CLEC16A: variants seen among roughly 807,000 people sequenced by gnomAD.
The protein encoded by CLEC16A is C-type lectin domain containing 16A.
Under a neutral mutation model 109.5 loss-of-function variants are expected in CLEC16A, and 51 were observed. That is an observed-to-expected ratio of 0.47 (90% CI 0.37 to 0.59). The LOEUF is 0.59. Ranked by LOEUF, CLEC16A falls within the 20% of genes least tolerant of loss-of-function variation. The pLI, the probability that CLEC16A is intolerant of heterozygous loss-of-function variation, is 0.00. For synonymous variants in CLEC16A, 673 were observed against 564.2 expected, an observed-to-expected ratio of 1.19 and a Z score of -2.73; for missense variants, 1,339 against 1,394.0, an observed-to-expected ratio of 0.96 and a Z score of 0.63.
intron 19 of CLEC16A, among the ~76,000 whole-genome samples, chr16:11,077,848 G>T (rs1175240693): frequency 6.6e-6 from 1 of 152,110 alleles, no homozygotes; most frequent in Non-Finnish European, 1.5e-5. Flanking sequence ...GCTAGGCGCG[G>T]TGGCTCATGC....
chr16:10,989,937 T>G (rs2043902473), intron 10 of CLEC16A, among the ~76,000 whole-genome samples: 1 of 152,204 alleles, frequency 6.6e-6, no homozygotes, highest in South Asian at 2.1e-4. Context: ...GCTGAATGCA[T>G]CAGGCAGGAT....
intron 21 of CLEC16A, 50 bp downstream of exon 21, chr16:11,123,996 G>T (rs753463840): frequency 6.5e-7 from 1 of 1,530,788 alleles, no homozygotes; most frequent in African/African-American, 1.4e-5. Context: ...TGGTGGGTCA[G>T]GGCTGTTTGT....
intron 13 of CLEC16A, among the ~76,000 whole-genome samples, chr16:11,029,223 A>G (rs1357678685): frequency 6.6e-6 from 1 of 151,392 alleles, no homozygotes; most frequent in Non-Finnish European, 1.5e-5. Flanking sequence ...CCCTTCTGAG[A>G]CTCTACTGTG....
chr16:11,087,497 A>G (rs1168841512), intron 19 of CLEC16A, among the ~76,000 whole-genome samples: 1 of 152,234 alleles, frequency 6.6e-6, no homozygotes, highest in Non-Finnish European at 1.5e-5. Context: ...TATGCTACCT[A>G]TAGATATTAA....
chr16:10,979,338 C>A lies in CLEC16A; in HGVS notation c.913C>A (p.Arg305=), dbSNP rs74163607. ...SLENQDKGGE[R]PKISLPVSLY... is the part of the protein sequence containing the mutation. ...TGCCACCCTGCACTAGGGAGGAGAA[C>A]GGCCGAAAATTAGCCTGCCGGTGTC... Residue 305 remains arginine (R), a synonymous_variant, in exon 9 of 24, where the codon CGG becomes AGG. Coordinates refer to ENST00000409790, the MANE Select transcript of CLEC16A (RefSeq NM_015226.3). 1.2e-6 allele frequency: 2 copies of A among 1,612,240 alleles called. No individual in the cohort carries two copies. Among genetic ancestry groups the A allele is most frequent in the African/African-American group, 1.3e-5 (1 of 74,854 alleles).
Position 11,175,415 on chromosome 16 carries a change from C to T in CLEC16A, c.2807-2920C>T, listed in dbSNP as rs576570628. Among the ~76,000 whole-genome samples the T allele has an allele frequency of 4.3e-4, 65 of 152,284 alleles. 1 individual carries two copies. The South Asian group carries it at 5.4e-3, about 13-fold the overall frequency. ...CCTGAGCCTGGCCTCAACTTGTGGC[C>T]CTAGAGTTCAAAAACACCAGCAGGC... On this transcript the variant is annotated intron_variant, in intron 23 of 23. Coordinates refer to ENST00000409790, the MANE Select transcript of CLEC16A (RefSeq NM_015226.3).
At position 11,178,151 on chromosome 16, in the gene CLEC16A, A is replaced by C. The variant is rs1028437670; in HGVS notation, c.2807-184A>C. Among the ~76,000 whole-genome samples the C allele has an allele frequency of 2.6e-5, 4 of 152,198 alleles. No individual in the cohort carries two copies. The highest frequency in any genetic ancestry group is 5.9e-5 in the Non-Finnish European group (4 of 68,028). On this transcript the variant is annotated intron_variant, in intron 23 of 23. Transcript: ENST00000409790. The surrounding 1 kb of genome is among the most constrained non-coding windows in gnomAD (Gnocchi z 6.5). ...GCTGTATTTTCCCCAGGCCTAAGTCAGACTGGATTTTGCAGGTTCTGTGTC... is the reference window on the plus strand; with the variant it reads ...GCTGTATTTTCCCCAGGCCTAAGTCCGACTGGATTTTGCAGGTTCTGTGTC...
chr16:11,143,172 AC>A (rs1298471601), intron 22 of CLEC16A, among the ~76,000 whole-genome samples: 1 of 152,152 alleles, frequency 6.6e-6, no homozygotes, highest in Admixed American at 6.5e-5. Flanking sequence ...GGGGTTGGTG[AC>A]CTGGTGAGCT....
intron 2 of CLEC16A, 77 bp from the exon 3 acceptor site, chr16:10,962,378 T>C (rs1366603236): frequency 1.3e-6 from 2 of 1,575,396 alleles, no homozygotes; most frequent in Non-Finnish European, 1.7e-6. Context: ...ATACTTGTGT[T>C]GTGAATGAAA....
intron 3 of CLEC16A, among the ~76,000 whole-genome samples, chr16:10,964,619 A>C (rs913996177): frequency 6.6e-6 from 1 of 152,164 alleles, no homozygotes; most frequent in African/African-American, 2.4e-5. Flanking sequence ...CATCACCCTC[A>C]GTGTCCCTGC....
At chr16:11,018,498 C>A (rs2045899246) in intron 11 of CLEC16A, among the ~76,000 whole-genome samples, 1 of 151,796 alleles carries the variant, frequency 6.6e-6, no homozygotes, top group Non-Finnish European at 1.5e-5. Flanking sequence ...GCCTGTAATC[C>A]CAGCACTTTG....
At chr16:11,156,415 G>T (rs1340001924) in intron 22 of CLEC16A, among the ~76,000 whole-genome samples, 1 of 150,406 alleles carries the variant, frequency 6.6e-6, no homozygotes, top group African/African-American at 2.4e-5. Flanking sequence ...TCCTTGGCCA[G>T]CCAGAACCTT....
At chr16:11,050,240 T>G (rs1555469654) in intron 17 of CLEC16A, among the ~76,000 whole-genome samples, 1 of 152,116 alleles carries the variant, frequency 6.6e-6, no homozygotes, top group Non-Finnish European at 1.5e-5. Flanking sequence ...ACAACATTAC[T>G]CCATTCATGA....
At chr16:10,977,157 C>G in intron 7 of CLEC16A, 68 bp from the exon 8 acceptor site, 2 of 1,429,598 alleles carry the variant, frequency 1.4e-6, no homozygotes, top group East Asian at 4.5e-5. Flanking sequence ...AAGTCTCAGG[C>G]CATTGATGTT....
intron 13 of CLEC16A, among the ~76,000 whole-genome samples, chr16:11,032,926 A>G (rs2046827108): frequency 6.6e-6 from 1 of 152,058 alleles, no homozygotes; most frequent in East Asian, 1.9e-4. Flanking sequence ...TAGGACAGTG[A>G]TGTGGTCAGA....
Position 10,945,901 on chromosome 16 carries a change from C to A in CLEC16A, c.80+1104C>A, listed in dbSNP as rs148616225. 8.5e-5 allele frequency among the ~76,000 whole-genome samples: 13 copies of A among 152,260 alleles called. No homozygotes were observed. The East Asian group carries it at 2.5e-3, about 29-fold the overall frequency. Reference sequence around the variant, plus strand: ...TGTCTTCTGTTAAACTGGCACTTCACGAGGGCACAGACTGCTTGGTTTGTT... The same window carrying A: ...TGTCTTCTGTTAAACTGGCACTTCAAGAGGGCACAGACTGCTTGGTTTGTT... On this transcript the variant is annotated intron_variant, in intron 1 of 23. Transcript: ENST00000409790.
At chr16:11,073,271 C>T (rs1215696945) in intron 19 of CLEC16A, among the ~76,000 whole-genome samples, 1 of 152,134 alleles carries the variant, frequency 6.6e-6, no homozygotes, top group Non-Finnish European at 1.5e-5. Flanking sequence ...CATGGGGTCG[C>T]TCCACAGGTA....
At chr16:10,968,979 G>A (rs2042649132) in intron 3 of CLEC16A, among the ~76,000 whole-genome samples, 182 bp from the exon 4 acceptor site, 1 of 152,128 alleles carries the variant, frequency 6.6e-6, no homozygotes, top group East Asian at 1.9e-4. Context: ...ACTTCCTGGT[G>A]ACTGTACATT....
chr16:11,131,671 A>G (rs1008973092), intron 22 of CLEC16A, among the ~76,000 whole-genome samples: 3 of 152,128 alleles, frequency 2.0e-5, no homozygotes, highest in African/African-American at 7.2e-5. Flanking sequence ...GCTCCCCACC[A>G]GCCTGTTAAC....
Sources: gnomAD v4.1 joint callset for allele counts (sites outside exome capture counted in the v4.1 genomes callset) on GRCh38, gnomAD v4.1.1 for gene constraint, Gnocchi (gnomAD v3.1) non-coding constraint, MANE v1.5 for transcripts, NCBI Gene and HGNC (gene_info 2026-07-23, HGNC 2026-07-21) for gene names.